ZFPM1: variants seen among roughly 807,000 people sequenced by gnomAD.
The protein encoded by ZFPM1 is zinc finger protein ZFPM1.
Under a neutral mutation model 46.3 loss-of-function variants are expected in ZFPM1, and 28 were observed. That is an observed-to-expected ratio of 0.60 (90% confidence interval 0.45 to 0.83). ZFPM1 has a LOEUF of 0.83. Among genes scored for constraint, ZFPM1 ranks in the 40% least tolerant of loss-of-function variants. The probability of loss-of-function intolerance (pLI) is 0.00; values close to 1 mark genes in which losing one functional copy is unlikely to be tolerated. For missense variants in ZFPM1, 1,878 were observed against 1,432.4 expected, an observed-to-expected ratio of 1.31 and a Z score of -5.02; for synonymous variants, 957 against 675.9, an observed-to-expected ratio of 1.42 and a Z score of -6.45.
In ZFPM1 at chr16:88,533,603, C is replaced by A; in HGVS notation, c.1645C>A (p.Leu549Met). ...ASEILAKMSE[L>M]VHSRLQQGAG... ...GGAGATCCTGGCCAAGATGTCCGAG[C>A]TGGTGCACAGCCGGCTGCAGCAGGG... Residue 549 changes from leucine (L) to methionine (M), a missense_variant, in exon 10 of 10, where the codon CTG (leucine) becomes ATG (methionine). Transcript: ENST00000319555. 6.7e-7 allele frequency: 1 copy of A among 1,490,362 alleles called. No homozygotes were observed. Among genetic ancestry groups the A allele is most frequent in the Non-Finnish European group, 8.9e-7 (1 of 1,119,366 alleles). 92.3% of individuals were successfully genotyped at this position (1,490,362 alleles called of 1,614,324 possible). A position where few individuals can be genotyped will look rare whatever the true frequency, so the allele number is the denominator to read the frequency against.
chr16:88,468,009 C>T (rs1432437419), intron 1 of ZFPM1, among the ~76,000 whole-genome samples: 24 of 146,232 alleles, frequency 1.6e-4, no homozygotes, highest in African/African-American at 5.8e-4. Context: ...GCGAGCCCCC[C>T]ACCGCCCCTC....
In ZFPM1 at chr16:88,471,836, G is replaced by A. The variant is rs1041411272; in HGVS notation, c.41-14103G>A. 8.5e-5 allele frequency among the ~76,000 whole-genome samples: 13 copies of A among 152,378 alleles called. No homozygotes were observed. Among genetic ancestry groups the A allele is most frequent in the African/African-American group, 2.6e-4 (11 of 41,580 alleles). On this transcript the variant is annotated intron_variant, in intron 1 of 9. Transcript: ENST00000319555. This position sits in a 1 kb window ranked among gnomAD's most constrained non-coding sequence, Gnocchi z 4.1. Reference sequence around the variant, plus strand: ...TCTGTGAAATCGGGGCGAGGCCCCCGCGGGCTGGGAGGGCTCTGGGCCTCC... The same window carrying A: ...TCTGTGAAATCGGGGCGAGGCCCCCACGGGCTGGGAGGGCTCTGGGCCTCC...
At chr16:88,514,280 C>G in intron 3 of ZFPM1, 107 bp from the exon 4 acceptor site, 1 of 1,495,680 alleles carries the variant, frequency 6.7e-7, no homozygotes. Flanking sequence ...TCACCCCAGG[C>G]CCCCAGGACT....
intron 3 of ZFPM1, among the ~76,000 whole-genome samples, chr16:88,505,304 G>A (rs1395196909): frequency 6.6e-6 from 1 of 152,096 alleles, no homozygotes; most frequent in Non-Finnish European, 1.5e-5. Context: ...CTAGGGCCTC[G>A]GCGAGGAGGC....
upstream of ZFPM1, among the ~76,000 whole-genome samples, chr16:88,451,956 C>A (rs919220737): frequency 1.3e-5 from 2 of 152,204 alleles, no homozygotes; most frequent in Non-Finnish European, 2.9e-5. Flanking sequence ...CCCACTTCTC[C>A]CCTTCCTTGG....
chr16:88,455,133 GTGTGTGTGT>G (rs1907481893), intron 1 of ZFPM1, among the ~76,000 whole-genome samples: 1 of 18,526 alleles, frequency 5.4e-5, no homozygotes, highest in African/African-American at 1.2e-4. Context: ...CGGTTCTGGG[GTGTGTGTGT>G]GTGTGTGTGT....
chr16:88,484,196 G>A (rs991528939), intron 1 of ZFPM1, among the ~76,000 whole-genome samples: 6 of 152,214 alleles, frequency 3.9e-5, no homozygotes, highest in African/African-American at 1.4e-4. Context: ...TGGGCGCTTC[G>A]GTGTGTTTTT....
intron 1 of ZFPM1, among the ~76,000 whole-genome samples, chr16:88,463,389 C>G (rs1322044981): frequency 2.0e-5 from 3 of 152,230 alleles, no homozygotes; most frequent in Non-Finnish European, 4.4e-5. Flanking sequence ...AGACTCAGAG[C>G]CATCAGTGGC....
intron 1 of ZFPM1, among the ~76,000 whole-genome samples, chr16:88,474,887 T>C (rs1246294734): frequency 3.9e-5 from 6 of 152,236 alleles, no homozygotes; most frequent in Non-Finnish European, 8.8e-5. Flanking sequence ...TCTTCGAGAC[T>C]GATGAGTCCA....
chr16:88,534,564 T>G lies in ZFPM1; in HGVS notation c.2606T>G (p.Leu869Arg). 1 of 1,318,028 alleles carries G rather than the reference T, an allele frequency of 7.6e-7. No individual in the cohort carries two copies. Among genetic ancestry groups the G allele is most frequent in the Non-Finnish European group, 9.7e-7 (1 of 1,034,152 alleles). 81.6% of individuals were successfully genotyped at this position (1,318,028 alleles called of 1,614,324 possible). A position where few individuals can be genotyped will look rare whatever the true frequency, so the allele number is the denominator to read the frequency against. The change falls in exon 10 of 10, where the codon CTG becomes CGG. Residue 869 changes from leucine to arginine, a missense_variant. Coordinates refer to ENST00000319555, the MANE Select transcript of ZFPM1 (RefSeq NM_153813.3). ...CCGAACGGCCCGGTGCGCGGGGACC[T>G]GCTGGAGCATTTCCGCCTGGCGCAC... Reference protein sequence around the residue: ...CPPNGPVRGDLLEHFRLAHGL... With the variant: ...CPPNGPVRGDRLEHFRLAHGL...
At chr16:88,516,260 C>G (rs1424952220) in intron 4 of ZFPM1, 1 of 398,490 alleles carries the variant, frequency 2.5e-6, no homozygotes, top group Non-Finnish European at 4.4e-6. Flanking sequence ...GGCACCGGCC[C>G]AGGAGTCATC....
At position 88,528,120 on chromosome 16, in the gene ZFPM1, C is replaced by A; in HGVS notation, c.594C>A (p.Pro198=). 2 of 1,591,286 alleles carry A rather than the reference C, an allele frequency of 1.3e-6. No individual in the cohort carries two copies. Among genetic ancestry groups the A allele is most frequent in the South Asian group, 1.1e-5 (1 of 88,008 alleles). ...VLLTAEPHST[P]GHPVKKEPAE... ...TCACGGCCGAGCCCCACAGCACCCC[C>A]GGCCACCCTGTGAAGAAGGAGCCAG... is the stretch of plus-strand genomic sequence containing the variant. Residue 198 remains proline (P), a synonymous_variant, in exon 6 of 10, where the codon CCC becomes CCA. Coordinates refer to ENST00000319555, the MANE Select transcript of ZFPM1 (RefSeq NM_153813.3).
chr16:88,483,085 G>A (rs1250487847), intron 1 of ZFPM1, among the ~76,000 whole-genome samples: 1 of 152,158 alleles, frequency 6.6e-6, no homozygotes, highest in Non-Finnish European at 1.5e-5. Flanking sequence ...TTTAATGGGA[G>A]GCTGTGAGCC....
intron 1 of ZFPM1, among the ~76,000 whole-genome samples, chr16:88,483,048 T>A (rs1393010329): frequency 2.0e-5 from 3 of 152,130 alleles, no homozygotes. Context: ...TGGCCCAGCC[T>A]GCCCTGGAGC....
rs1238569356 is a variant in ZFPM1, at chr16:88,534,251, G to A, written c.2293G>A (p.Ala765Thr). 1.5e-5 allele frequency: 14 copies of A among 921,122 alleles called. No individual in the cohort carries two copies. The highest frequency in any genetic ancestry group is 2.1e-5 in the African/African-American group (1 of 48,212). 57.1% of individuals were successfully genotyped at this position (921,122 alleles called of 1,614,324 possible). ...CCCCCCGCCGCCCGGCCACGCCCCCGCGCCCGAGTCGCCGCGGCCCGGAAG... is the reference window on the plus strand; with the variant it reads ...CCCCCCGCCGCCCGGCCACGCCCCCACGCCCGAGTCGCCGCGGCCCGGAAG... ...PPPPPPGHAP[A>T]PESPRPGSGS... is the part of the protein sequence containing the mutation. Residue 765 changes from alanine to threonine, a missense_variant, in exon 10 of 10, where the codon GCG becomes ACG. Physicochemically the swap from Ala to Thr is moderately conservative, Grantham distance 58 (BLOSUM62 0). Transcript: ENST00000319555.
At position 88,528,184 on chromosome 16, in the gene ZFPM1, C is replaced by T; in HGVS notation, c.658C>T (p.Leu220Phe). ...CCCGGCCCCTGCACACGACCTCCAGCTCCTGCCCCAGCAGGCCGGGATGGC... is the reference window on the plus strand; with the variant it reads ...CCCGGCCCCTGCACACGACCTCCAGTTCCTGCCCCAGCAGGCCGGGATGGC... Reference protein sequence around the residue: ...TCPAPAHDLQLLPQQAGMASI... With the variant: ...TCPAPAHDLQFLPQQAGMASI... The change falls in exon 6 of 10, where the codon CTC becomes TTC. Residue 220 changes from leucine to phenylalanine, a missense_variant. By Grantham distance (22) the Leu-to-Phe change is conservative. Coordinates refer to ENST00000319555, the MANE Select transcript of ZFPM1 (RefSeq NM_153813.3). The T allele has an allele frequency of 6.2e-7, 1 of 1,610,444 alleles. No individual in the cohort carries two copies. The highest frequency in any genetic ancestry group is 8.5e-7 in the Non-Finnish European group (1 of 1,179,414).
chr16:88,526,888 C>A lies in ZFPM1; in HGVS notation c.477C>A (p.Ala159=). ...LRTLPQALTE[A]EANTEIHRKD... ...CGCTGCCCCAGGCCCTGACTGAGGC[C>A]GAGGCCAACACAGAGATCCACAGGA... The change falls in exon 5 of 10, where the codon GCC becomes GCA. Residue 159 remains alanine (A), a synonymous_variant. Coordinates refer to ENST00000319555, the MANE Select transcript of ZFPM1 (RefSeq NM_153813.3). The A allele has an allele frequency of 6.3e-7, 1 of 1,579,888 alleles. No individual in the cohort carries two copies. The highest frequency in any genetic ancestry group is 2.3e-5 in the East Asian group (1 of 43,164).
chr16:88,534,494 C>T lies in ZFPM1; in HGVS notation c.2536C>T (p.Pro846Ser), dbSNP rs1913119056. Residue 846 changes from proline (P) to serine (S), a missense_variant, in exon 10 of 10, where the codon CCC becomes TCC. By Grantham distance (74) the Pro-to-Ser change is moderately conservative. Transcript: ENST00000319555. ...KKYSCPAAPPPGALGLPAAAC... is the reference protein window; with the variant it reads ...KKYSCPAAPPSGALGLPAAAC... ...GTACTCGTGCCCCGCTGCGCCACCG[C>T]CCGGCGCGCTCGGCCTGCCCGCCGC... is the stretch of plus-strand genomic sequence containing the variant. The T allele has an allele frequency of 6.8e-7, 1 of 1,469,294 alleles. No individual in the cohort carries two copies. The highest frequency in any genetic ancestry group is 9.0e-7 in the Non-Finnish European group (1 of 1,115,650). 91.0% of individuals were successfully genotyped at this position (1,469,294 alleles called of 1,614,324 possible).
chr16:88,459,242 G>A (rs1476151046), intron 1 of ZFPM1, among the ~76,000 whole-genome samples: 1 of 152,190 alleles, frequency 6.6e-6, no homozygotes, highest in Non-Finnish European at 1.5e-5. Context: ...CTCTCTGAGA[G>A]CAGGACTGGG....
Sources: gnomAD v4.1 joint callset for allele counts (sites outside exome capture counted in the v4.1 genomes callset) on GRCh38, gnomAD v4.1.1 for gene constraint, Gnocchi (gnomAD v3.1) non-coding constraint, MANE v1.5 for transcripts, NCBI Gene and HGNC (gene_info 2026-07-23, HGNC 2026-07-21) for gene names.